TAOK3: variants seen among roughly 807,000 people sequenced by gnomAD.
TAOK3 encodes serine/threonine-protein kinase TAO3.
A neutral mutation model predicts 120.4 loss-of-function variants in TAOK3; 40 were observed. The observed-to-expected ratio is 0.33, with a 90% CI of 0.26 to 0.43. TAOK3 has a LOEUF of 0.43. Ranked by LOEUF, TAOK3 falls within the 20% of genes least tolerant of loss-of-function variation. The pLI is 1.00. For synonymous variants in TAOK3, 355 were observed against 387.5 expected (o/e 0.92, Z 0.99); for missense variants, 821 against 1,112.1 (o/e 0.74, Z 3.72).
intron 1 of TAOK3, among the ~76,000 whole-genome samples, chr12:118,306,882 C>T (rs2046793292): frequency 6.6e-6 from 1 of 152,138 alleles, no homozygotes; most frequent in African/African-American, 2.4e-5. Context: ...TTTGCACTAT[C>T]CAATAATGGT....
chr12:118,326,727 C>A (rs1049494362), intron 1 of TAOK3, among the ~76,000 whole-genome samples: 1 of 152,152 alleles, frequency 6.6e-6, no homozygotes, highest in African/African-American at 2.4e-5. Context: ...TTTATTAGTT[C>A]TACTTACAGT....
intron 1 of TAOK3, chr12:118,358,919 T>C (rs1040489635): frequency 6.6e-6 from 1 of 152,182 alleles, no homozygotes; most frequent in Non-Finnish European, 1.5e-5. Flanking sequence ...TGACACTTAC[T>C]CACAGTAGAT....
chr12:118,247,395 G>A (rs1301263867), intron 3 of TAOK3, among the ~76,000 whole-genome samples: 1 of 151,900 alleles, frequency 6.6e-6, no homozygotes, highest in African/African-American at 2.4e-5. Context: ...TACTCCAAAT[G>A]TAACAGTTCA....
chr12:118,223,100 C>T (rs1167422697), intron 9 of TAOK3, among the ~76,000 whole-genome samples: 9 of 134,004 alleles, frequency 6.7e-5, no homozygotes, highest in South Asian at 2.3e-4. Flanking sequence ...GACGCAGTCT[C>T]GCACTGTCGC....
At chr12:118,285,577 T>G (rs1415790417) in intron 1 of TAOK3, among the ~76,000 whole-genome samples, 2 of 152,024 alleles carry the variant, frequency 1.3e-5, no homozygotes, top group African/African-American at 4.8e-5. Flanking sequence ...GGTCTCGAAC[T>G]CCTGACCTCA....
In TAOK3 at chr12:118,162,025, T is replaced by C. The variant is rs2035252345; in HGVS notation, c.1902A>G (p.Glu634=). 1 of 1,612,506 alleles carries C rather than the reference T, an allele frequency of 6.2e-7. No homozygotes were observed. The highest frequency in any genetic ancestry group is 1.3e-5 in the African/African-American group (1 of 74,870). Residue 634 remains glutamate (E), a splice_region_variant and synonymous_variant, in exon 18 of 21, where the codon GAA becomes GAG. Transcript: ENST00000392533. ...HEVEQQNIRE[E]LNKKRTQKEM... ...CCTTCTGGGTCCTCTTTTTATTTAGTTCCTGCGTCCAGGAACAAAAGATAA... is the reference window on the plus strand; with the variant it reads ...CCTTCTGGGTCCTCTTTTTATTTAGCTCCTGCGTCCAGGAACAAAAGATAA...
intron 1 of TAOK3, among the ~76,000 whole-genome samples, chr12:118,357,286 A>G (rs2045437218): frequency 6.6e-6 from 1 of 152,236 alleles, no homozygotes; most frequent in South Asian, 2.1e-4. Flanking sequence ...GCTATATTTT[A>G]TATAAATTGT....
intron 9 of TAOK3, among the ~76,000 whole-genome samples, chr12:118,214,374 T>C (rs1281560191): frequency 6.6e-6 from 1 of 152,186 alleles, no homozygotes; most frequent in Non-Finnish European, 1.5e-5. Flanking sequence ...TTTTTTCACA[T>C]AGCTTCAAAA....
chr12:118,153,440 G>A (rs1230084253), intron 19 of TAOK3, among the ~76,000 whole-genome samples: 1 of 152,170 alleles, frequency 6.6e-6, no homozygotes. Flanking sequence ...TCAGAGGGTA[G>A]GTAGGCTTGA....
At position 118,295,610 on chromosome 12, in the gene TAOK3, C is replaced by A. The variant is rs552054055; in HGVS notation, c.-193-28851G>T. Among the ~76,000 whole-genome samples, 6 of 152,212 alleles carry A rather than the reference C, an allele frequency of 3.9e-5. No individual in the cohort carries two copies. In the East Asian group the frequency reaches 1.2e-3, roughly 29 times the overall value. ...CTTGAAGGCAGAAATGGTCTTTTGG[C>A]CTTATGCTCCTTAGCACAAGGTTCT... On this transcript the variant is annotated intron_variant, in intron 1 of 20. Coordinates refer to ENST00000392533, the MANE Select transcript of TAOK3 (RefSeq NM_016281.4).
At chr12:118,183,065 G>A (rs563556053) in intron 14 of TAOK3, among the ~76,000 whole-genome samples, 2 of 151,634 alleles carry the variant, frequency 1.3e-5, no homozygotes, top group South Asian at 4.2e-4. Flanking sequence ...TTCCAGGATT[G>A]TAACTTTAGT....
At chr12:118,203,847 G>C (rs896917564) in intron 11 of TAOK3, among the ~76,000 whole-genome samples, 1 of 152,132 alleles carries the variant, frequency 6.6e-6, no homozygotes, top group Non-Finnish European at 1.5e-5. Context: ...ATGACTAACA[G>C]ACCTATCAAC....
At chr12:118,247,361 A>T (rs1338474013) in intron 3 of TAOK3, among the ~76,000 whole-genome samples, 1 of 152,110 alleles carries the variant, frequency 6.6e-6, no homozygotes, top group Non-Finnish European at 1.5e-5. Context: ...CTTGTCTCAT[A>T]ATTATGTCTA....
intron 1 of TAOK3, among the ~76,000 whole-genome samples, chr12:118,300,497 G>A (rs1221130475): frequency 2.6e-5 from 4 of 152,116 alleles, no homozygotes; most frequent in East Asian, 1.9e-4. Flanking sequence ...AGTCAAGAAA[G>A]CTCACAAATC....
intron 12 of TAOK3, chr12:118,199,743 A>T (rs2037928780): frequency 5.8e-6 from 1 of 172,336 alleles, no homozygotes; most frequent in South Asian, 1.4e-4. Flanking sequence ...GTCATTATTG[A>T]GTAACTTCAT....
chr12:118,218,655 C>T (rs542309453), intron 9 of TAOK3, among the ~76,000 whole-genome samples: 1 of 150,302 alleles, frequency 6.7e-6, no homozygotes, highest in African/African-American at 2.4e-5. Flanking sequence ...AAAGACTCAA[C>T]CCTCCTTTTT....
At chr12:118,272,291 CAAAA>C (rs773516018) in intron 1 of TAOK3, among the ~76,000 whole-genome samples, 6 of 64,190 alleles carry the variant, frequency 9.3e-5, no homozygotes, top group Admixed American at 2.0e-4. Flanking sequence ...GACTCCATCT[CAAAA>C]AAAAAAAAAA....
chr12:118,244,695 A>AT (rs1459730005), intron 4 of TAOK3, among the ~76,000 whole-genome samples, 199 bp downstream of exon 4: 3 of 151,516 alleles, frequency 2.0e-5, no homozygotes, highest in African/African-American at 4.8e-5. Context: ...CGCCCGGCTA[A>AT]TTTTTTGTAT....
chr12:118,304,929 G>C (rs1400613628), intron 1 of TAOK3, among the ~76,000 whole-genome samples: 1 of 152,178 alleles, frequency 6.6e-6, no homozygotes, highest in African/African-American at 2.4e-5. Flanking sequence ...GCTTAAGAGT[G>C]TAGTCTTCAG....
Sources: allele counts gnomAD v4.1 joint callset (sites outside exome capture counted in the v4.1 genomes callset), GRCh38; gene constraint gnomAD v4.1.1; transcripts MANE v1.5; gene names NCBI Gene and HGNC (gene_info 2026-07-23, HGNC 2026-07-21).